The following PLCB1 variants were observed in gnomAD, a reference collection of about 807,000 sequenced individuals.
PLCB1 encodes the protein 1-phosphatidylinositol 4,5-bisphosphate phosphodiesterase beta-1.
A neutral mutation model predicts 161.8 loss-of-function variants in PLCB1; 46 were observed. That is an observed-to-expected ratio of 0.28 (90% CI 0.22 to 0.36). The LOEUF (loss-of-function observed/expected upper bound fraction) is 0.36, where lower values mean the gene tolerates loss of function less well. Among genes scored for constraint, PLCB1 ranks in the 10% least tolerant of loss-of-function variants. PLCB1 has a pLI of 1.00. For missense variants in PLCB1, 1,016 were observed against 1,472.5 expected (o/e 0.69, Z 5.07); for synonymous variants, 517 against 503.7 (o/e 1.03, Z -0.35).
At chr20:8,777,762 T>C (rs1983016412) in intron 27 of PLCB1, among the ~76,000 whole-genome samples, 1 of 151,492 alleles carries the variant, frequency 6.6e-6, no homozygotes, top group Non-Finnish European at 1.5e-5. Context: ...TATTAGTCCA[T>C]TTCCATGCTT....
chr20:8,440,678 A>G (rs1980519770), intron 3 of PLCB1, among the ~76,000 whole-genome samples: 1 of 152,154 alleles, frequency 6.6e-6, no homozygotes, highest in South Asian at 2.1e-4. Flanking sequence ...GAGACTTGTT[A>G]AAGGATACAA....
At chr20:8,657,965 G>C (rs559655517) in intron 8 of PLCB1, among the ~76,000 whole-genome samples, 2 of 152,152 alleles carry the variant, frequency 1.3e-5, no homozygotes, top group South Asian at 4.1e-4. Flanking sequence ...GCTTTGTGCT[G>C]TTCATTGCCA....
chr20:8,864,865 T>C (rs538859621), intron 31 of PLCB1, among the ~76,000 whole-genome samples: 3 of 152,188 alleles, frequency 2.0e-5, no homozygotes, highest in African/African-American at 4.8e-5. Flanking sequence ...ATCTCCTAGG[T>C]TGAGTGTTCT....
At chr20:8,629,853 C>CTT (rs1199565163) in intron 4 of PLCB1, among the ~76,000 whole-genome samples, 5 of 93,290 alleles carry the variant, frequency 5.4e-5, no homozygotes, top group Admixed American at 5.2e-4. Context: ...TTCTTTCTTT[C>CTT]TTTCTTTCTT....
chr20:8,484,161 G>A (rs1463902572), intron 3 of PLCB1, among the ~76,000 whole-genome samples: 1 of 152,154 alleles, frequency 6.6e-6, no homozygotes, highest in Non-Finnish European at 1.5e-5. Context: ...GAGTAGCTGG[G>A]ATCATAGGCA....
In PLCB1 at chr20:8,136,038, G is replaced by A. The variant is rs2051343770; in HGVS notation, c.99+3288G>A. Among the ~76,000 whole-genome samples the A allele has an allele frequency of 5.3e-5, 8 of 152,300 alleles. No individual in the cohort carries two copies. The South Asian group carries it at 1.7e-3, about 32-fold the overall frequency. ...CTGTACAATAGGACCCCCAGCCACTGATTTGGCCCTGTTTTCCATGCCTAA... is the reference window on the plus strand; with the variant it reads ...CTGTACAATAGGACCCCCAGCCACTAATTTGGCCCTGTTTTCCATGCCTAA... On this transcript the variant is annotated intron_variant, in intron 1 of 31. Transcript: ENST00000338037.
intron 3 of PLCB1, among the ~76,000 whole-genome samples, chr20:8,565,888 A>T (rs541779289): frequency 2.6e-5 from 4 of 152,296 alleles, no homozygotes; most frequent in African/African-American, 9.6e-5. Flanking sequence ...TTTGGATGTC[A>T]TTGCTAAGGA....
At chr20:8,165,592 C>A (rs753010421) in intron 2 of PLCB1, among the ~76,000 whole-genome samples, 2 of 152,144 alleles carry the variant, frequency 1.3e-5, no homozygotes, top group African/African-American at 2.4e-5. Flanking sequence ...GCCTTGAATT[C>A]GGGGACTTTA....
chr20:8,485,993 G>C (rs886599704), intron 3 of PLCB1, among the ~76,000 whole-genome samples: 1 of 152,154 alleles, frequency 6.6e-6, no homozygotes, highest in Non-Finnish European at 1.5e-5. Flanking sequence ...ACTTACAATC[G>C]TGGTGGAAGG....
intron 3 of PLCB1, among the ~76,000 whole-genome samples, chr20:8,473,315 C>T (rs984149620): frequency 9.2e-5 from 14 of 152,100 alleles, no homozygotes; most frequent in African/African-American, 1.9e-4. Context: ...TACACATGCA[C>T]GCACACATTA....
At chr20:8,244,574 C>G (rs1050588102) in intron 2 of PLCB1, among the ~76,000 whole-genome samples, 4 of 151,714 alleles carry the variant, frequency 2.6e-5, no homozygotes, top group African/African-American at 9.7e-5. Flanking sequence ...CACTCTCTTC[C>G]TGGGGAGGGT....
intron 3 of PLCB1, among the ~76,000 whole-genome samples, chr20:8,581,628 G>A (rs1986835936): frequency 6.6e-6 from 1 of 152,148 alleles, no homozygotes; most frequent in Admixed American, 6.5e-5. Flanking sequence ...CTGCTAGAGT[G>A]ACTCACTATC....
intron 3 of PLCB1, among the ~76,000 whole-genome samples, chr20:8,564,695 C>G (rs574139262): frequency 1.2e-4 from 19 of 152,172 alleles, no homozygotes; most frequent in African/African-American, 4.6e-4. Flanking sequence ...AGACACTTCT[C>G]AAAAGAAGAC....
At chr20:8,492,445 T>G (rs1982985575) in intron 3 of PLCB1, among the ~76,000 whole-genome samples, 1 of 152,084 alleles carries the variant, frequency 6.6e-6, no homozygotes, top group South Asian at 2.1e-4. Flanking sequence ...TATGGGTATG[T>G]TTGGTATAAT....
At chr20:8,397,105 T>G (rs1600372873) in intron 3 of PLCB1, among the ~76,000 whole-genome samples, 1 of 152,082 alleles carries the variant, frequency 6.6e-6, no homozygotes, top group South Asian at 2.1e-4. Context: ...CTTTCATGTA[T>G]ATCTGTTTTT....
At position 8,709,554 on chromosome 20, in the gene PLCB1, T is replaced by C. The variant is rs147961400; in HGVS notation, c.1250+802T>C. Among the ~76,000 whole-genome samples the C allele has an allele frequency of 2.0e-5, 3 of 152,274 alleles. No individual in the cohort carries two copies. The East Asian group carries it at 5.8e-4, about 29-fold the overall frequency. The stretch of plus-strand genomic sequence containing the variant: ...ACGAGTTTCTTTTTACCCTCCTTCC[T>C]ATTGGGAGTCTTTCCCAGGTCACTG... On this transcript the variant is annotated intron_variant, in intron 12 of 31. Coordinates refer to ENST00000338037, the MANE Select transcript of PLCB1 (RefSeq NM_015192.4).
At chr20:8,313,174 A>G (rs1346840499) in intron 2 of PLCB1, among the ~76,000 whole-genome samples, 9 of 152,168 alleles carry the variant, frequency 5.9e-5, no homozygotes, top group African/African-American at 1.9e-4. Flanking sequence ...TCAATCACCT[A>G]TTTGTAAAAT....
chr20:8,539,637 T>TTTCTTTCC (rs1555768734), intron 3 of PLCB1, among the ~76,000 whole-genome samples: 9 of 91,106 alleles, frequency 9.9e-5, no homozygotes, highest in East Asian at 5.8e-4. Flanking sequence ...TCTTTCTTTC[T>TTTCTTTCC]TTCTTTCTTT....
At chr20:8,871,088 T>G (rs1323614816) in intron 31 of PLCB1, among the ~76,000 whole-genome samples, 1 of 152,206 alleles carries the variant, frequency 6.6e-6, no homozygotes, top group Non-Finnish European at 1.5e-5. Flanking sequence ...TCACTTTTAA[T>G]GTGCATCCAT....
Sources: gnomAD v4.1 joint callset for allele counts (sites outside exome capture counted in the v4.1 genomes callset) on GRCh38, gnomAD v4.1.1 for gene constraint, MANE v1.5 for transcripts, NCBI Gene and HGNC (gene_info 2026-07-23, HGNC 2026-07-21) for gene names.